The following NELL1 variants were observed in gnomAD, a reference collection of about 807,000 sequenced individuals.
NELL1 encodes protein kinase C-binding protein NELL1.
NELL1 carries 76 observed loss-of-function variants against 107.4 expected under a neutral mutation model. That is an observed-to-expected ratio of 0.71 (90% CI 0.59 to 0.86). The LOEUF (loss-of-function observed/expected upper bound fraction) is 0.86, where lower values mean the gene tolerates loss of function less well. Ranked by LOEUF, NELL1 falls within the 40% of genes least tolerant of loss-of-function variation. NELL1 has a pLI of 0.00. For synonymous variants in NELL1, 353 were observed against 341.2 expected, an observed-to-expected ratio of 1.03 and a Z score of -0.38; for missense variants, 1,024 against 1,005.5, an observed-to-expected ratio of 1.02 and a Z score of -0.25.
chr11:21,008,160 A>T (rs1852370482), intron 12 of NELL1, among the ~76,000 whole-genome samples: 1 of 152,120 alleles, frequency 6.6e-6, no homozygotes, highest in African/African-American at 2.4e-5. Context: ...ATAATTACAG[A>T]CTGATCACAC....
intron 15 of NELL1, among the ~76,000 whole-genome samples, chr11:21,483,333 TAC>T (rs1180338463): frequency 4.6e-5 from 7 of 152,304 alleles, no homozygotes; most frequent in Non-Finnish European, 7.4e-5. Context: ...ATGTGTTCTG[TAC>T]ACATACAATA....
intron 14 of NELL1, among the ~76,000 whole-genome samples, chr11:21,353,022 G>A (rs1166312167): frequency 1.3e-5 from 2 of 152,136 alleles, no homozygotes; most frequent in African/African-American, 2.4e-5. Context: ...TCAACATGAG[G>A]ACATGAGTAG....
At chr11:20,831,582 G>A (rs1479506358) in intron 3 of NELL1, among the ~76,000 whole-genome samples, 1 of 152,138 alleles carries the variant, frequency 6.6e-6, no homozygotes, top group African/African-American at 2.4e-5. Flanking sequence ...TGTTTTGGAA[G>A]GTGGGGGGGA....
chr11:21,012,184 C>T (rs1297223501), intron 12 of NELL1, among the ~76,000 whole-genome samples: 1 of 152,138 alleles, frequency 6.6e-6, no homozygotes, highest in Non-Finnish European at 1.5e-5. Flanking sequence ...AAGGAGAGTG[C>T]TCTGCTCCAT....
chr11:21,232,479 G>T (rs942638949), intron 14 of NELL1, among the ~76,000 whole-genome samples: 1 of 152,080 alleles, frequency 6.6e-6, no homozygotes, highest in Admixed American at 6.6e-5. Context: ...TAATAAAGAA[G>T]AAGAAAGAGG....
intron 2 of NELL1, among the ~76,000 whole-genome samples, chr11:20,709,231 G>A (rs1166740839): frequency 6.6e-6 from 1 of 152,094 alleles, no homozygotes; most frequent in Admixed American, 6.6e-5. Context: ...AGAGAGACGA[G>A]GATCCAGTTT....
At position 20,891,850 on chromosome 11, in the gene NELL1, C is replaced by T. The variant is rs181618172; in HGVS notation, c.603+6310C>T. On this transcript the variant is annotated intron_variant, in intron 5 of 19. Coordinates refer to ENST00000357134, the MANE Select transcript of NELL1 (RefSeq NM_006157.5). ...CATATATGCACCCAATACAGGAGCA[C>T]CCAGATTCATAAAGCAAGTTCTTAG... Among the ~76,000 whole-genome samples, 38 of 152,270 alleles carry T rather than the reference C, an allele frequency of 2.5e-4. 1 individual carries two copies. The highest frequency in any genetic ancestry group is 2.1e-3 in the Admixed American group (32 of 15,298).
intron 15 of NELL1, among the ~76,000 whole-genome samples, chr11:21,481,212 C>A (rs1854484414): frequency 6.6e-6 from 1 of 152,180 alleles, no homozygotes; most frequent in African/African-American, 2.4e-5. Context: ...CAGGTAAAGT[C>A]TCTCCCGATT....
intron 3 of NELL1, among the ~76,000 whole-genome samples, chr11:20,807,278 A>T (rs3908147): frequency 2.6e-5 from 4 of 152,030 alleles, no homozygotes; most frequent in African/African-American, 9.7e-5. Flanking sequence ...CACCCTAAAC[A>T]CAGTAATGCT....
intron 14 of NELL1, among the ~76,000 whole-genome samples, chr11:21,254,273 A>G (rs146312008): frequency 6.6e-6 from 1 of 152,230 alleles, no homozygotes; most frequent in East Asian, 1.9e-4. Flanking sequence ...ACTAATTGCA[A>G]GACTAAATAG....
chr11:21,094,519 C>T lies in NELL1; in HGVS notation c.1301-19070C>T, dbSNP rs141226054. ...CCAGCCCCATATTTCCCTTCCACACCGCCCTAGCAGAGGCTCTCCATGAGT... is the reference window on the plus strand; with the variant it reads ...CCAGCCCCATATTTCCCTTCCACACTGCCCTAGCAGAGGCTCTCCATGAGT... On this transcript the variant is annotated intron_variant, in intron 12 of 19. Coordinates refer to ENST00000357134, the MANE Select transcript of NELL1 (RefSeq NM_006157.5). 7.6e-3 allele frequency among the ~76,000 whole-genome samples: 1,161 copies of T among 152,324 alleles called. 18 individuals are homozygous for T. Among genetic ancestry groups the T allele is most frequent in the African/African-American group, 0.024 (983 of 41,578 alleles).
chr11:20,835,242 T>C (rs567911770), intron 3 of NELL1, among the ~76,000 whole-genome samples: 2 of 152,348 alleles, frequency 1.3e-5, no homozygotes, highest in African/African-American at 4.8e-5. Flanking sequence ...GGATGTATTG[T>C]TGTCTATCTT....
intron 12 of NELL1, among the ~76,000 whole-genome samples, chr11:20,968,819 G>A (rs1851437136): frequency 6.6e-6 from 1 of 152,098 alleles, no homozygotes; most frequent in Non-Finnish European, 1.5e-5. Context: ...AGGTCACCAG[G>A]GAAGGGGAAA....
At chr11:21,196,137 T>C (rs1241978262) in intron 13 of NELL1, among the ~76,000 whole-genome samples, 1 of 152,164 alleles carries the variant, frequency 6.6e-6, no homozygotes, top group Non-Finnish European at 1.5e-5. Context: ...AGGTTGGACT[T>C]AGTGTTGCTG....
chr11:20,765,092 A>T (rs939262362), intron 2 of NELL1, among the ~76,000 whole-genome samples: 1 of 152,092 alleles, frequency 6.6e-6, no homozygotes, highest in Admixed American at 6.6e-5. Flanking sequence ...CAGGAGTTCA[A>T]GGCTGCAGTG....
intron 15 of NELL1, among the ~76,000 whole-genome samples, chr11:21,429,769 A>G (rs1037059306): frequency 6.6e-6 from 1 of 152,194 alleles, no homozygotes; most frequent in African/African-American, 2.4e-5. Context: ...TGTCTATAAC[A>G]TAAATTGACA....
At chr11:21,253,475 T>C (rs1242749436) in intron 14 of NELL1, among the ~76,000 whole-genome samples, 2 of 152,112 alleles carry the variant, frequency 1.3e-5, no homozygotes, top group East Asian at 1.9e-4. Flanking sequence ...ATGATGAAAC[T>C]GGGATTAAAG....
intron 14 of NELL1, among the ~76,000 whole-genome samples, chr11:21,303,507 A>T (rs1849542702): frequency 6.6e-6 from 1 of 152,042 alleles, no homozygotes; most frequent in Non-Finnish European, 1.5e-5. Flanking sequence ...CTTATGTATG[A>T]TTCCCTCTCC....
chr11:21,478,985 C>T (rs777940067), intron 15 of NELL1, among the ~76,000 whole-genome samples: 6 of 152,086 alleles, frequency 3.9e-5, no homozygotes, highest in South Asian at 4.2e-4. Flanking sequence ...AAAACTATAA[C>T]GATATATCAT....
Sources: allele counts gnomAD v4.1 joint callset (sites outside exome capture counted in the v4.1 genomes callset), GRCh38; gene constraint gnomAD v4.1.1; transcripts MANE v1.5; gene names NCBI Gene and HGNC (gene_info 2026-07-23, HGNC 2026-07-21).